The following ATF6 variants were observed in gnomAD, a reference collection of about 807,000 sequenced individuals.
ATF6 encodes the protein activating transcription factor 6.
In ATF6, 53 loss-of-function variants were observed where a neutral mutation model predicts 83.6. That is an observed-to-expected ratio of 0.63 (90% CI 0.51 to 0.80). The LOEUF (loss-of-function observed/expected upper bound fraction) is 0.80. Among genes scored for constraint, ATF6 ranks in the 30% least tolerant of loss-of-function variants. The pLI is 0.00. For missense variants in ATF6, 744 were observed against 797.9 expected, an observed-to-expected ratio of 0.93 and a Z score of 0.81; for synonymous variants, 288 against 285.8, an observed-to-expected ratio of 1.01 and a Z score of -0.08.
intron 9 of ATF6, among the ~76,000 whole-genome samples, chr1:161,828,789 T>C (rs986507012): frequency 1.4e-4 from 22 of 152,166 alleles, no homozygotes; most frequent in African/African-American, 5.1e-4. Flanking sequence ...GGTGGGCTTA[T>C]GTTGGTGGTG....
At chr1:161,857,416 C>T (rs1686788575) in intron 12 of ATF6, among the ~76,000 whole-genome samples, 1 of 152,004 alleles carries the variant, frequency 6.6e-6, no homozygotes, top group South Asian at 2.1e-4. Context: ...CATAGTTCTA[C>T]CCTCTTCCTA....
intron 9 of ATF6, among the ~76,000 whole-genome samples, chr1:161,837,955 A>G (rs895559574): frequency 6.6e-6 from 1 of 152,236 alleles, no homozygotes; most frequent in African/African-American, 2.4e-5. Flanking sequence ...GACACAGCTA[A>G]TATGTGGCAG....
At position 161,802,286 on chromosome 1, in the gene ATF6, C is replaced by T. The variant is rs763630251; in HGVS notation, c.909+14C>T. The T allele has an allele frequency of 1.9e-6, 3 of 1,606,038 alleles. No homozygotes were observed. The African/African-American group carries it at 4.0e-5, about 21-fold the overall frequency. On this transcript the variant is annotated intron_variant, in intron 7 of 15. Transcript: ENST00000367942. The stretch of plus-strand genomic sequence containing the variant: ...GTCGGTTCAGATGTAAGTTTTGAAA[C>T]TTAGTGCTTCTCTTAATGCCTGATT...
intron 15 of ATF6, among the ~76,000 whole-genome samples, chr1:161,947,293 C>T (rs1428380730): frequency 6.6e-6 from 1 of 152,076 alleles, no homozygotes; most frequent in African/African-American, 2.4e-5. Flanking sequence ...GTGGAAACAC[C>T]AATGTAAGGG....
intron 13 of ATF6, 120 bp downstream of exon 13, chr1:161,860,397 C>T (rs928273183): frequency 8.1e-6 from 3 of 370,062 alleles, no homozygotes; most frequent in African/African-American, 6.5e-5. Context: ...TTATATTAGT[C>T]ATATACTCTA....
chr1:161,772,277 T>G (rs535899584), intron 1 of ATF6, among the ~76,000 whole-genome samples: 2 of 152,336 alleles, frequency 1.3e-5, no homozygotes, highest in East Asian at 3.9e-4. Flanking sequence ...AATTCAGTTT[T>G]GCCCACTTCA....
At chr1:161,957,439 T>C (rs1202519676) in intron 15 of ATF6, among the ~76,000 whole-genome samples, 1 of 152,188 alleles carries the variant, frequency 6.6e-6, no homozygotes, top group East Asian at 1.9e-4. Context: ...ATTGCTGTGA[T>C]TGTTCAGTTG....
chr1:161,953,305 C>T (rs373601198), intron 15 of ATF6, among the ~76,000 whole-genome samples: 15 of 152,238 alleles, frequency 9.9e-5, no homozygotes, highest in African/African-American at 3.4e-4. Context: ...TGTCACAGAA[C>T]GGCCAGCATC....
At chr1:161,791,591 T>A (rs973841559) in intron 5 of ATF6, 54 bp downstream of exon 5, 19 of 1,528,116 alleles carry the variant, frequency 1.2e-5, no homozygotes, top group Non-Finnish European at 1.7e-5. Context: ...GAGCTTAGGT[T>A]CCATTTCTTA....
chr1:161,831,889 A>G (rs1191685402), intron 9 of ATF6, among the ~76,000 whole-genome samples: 2 of 151,928 alleles, frequency 1.3e-5, no homozygotes, highest in African/African-American at 4.8e-5. Flanking sequence ...GCACATATGT[A>G]TATATGTAAC....
At chr1:161,815,474 A>T (rs1685592564) in intron 7 of ATF6, among the ~76,000 whole-genome samples, 1 of 151,598 alleles carries the variant, frequency 6.6e-6, no homozygotes, top group Non-Finnish European at 1.5e-5. Context: ...TACAGGTGTG[A>T]GCCACCACTA....
intron 14 of ATF6, among the ~76,000 whole-genome samples, chr1:161,907,653 T>C (rs1687902223): frequency 6.6e-6 from 1 of 152,236 alleles, no homozygotes; most frequent in African/African-American, 2.4e-5. Context: ...AGAAGCCATC[T>C]TATCTATATA....
In ATF6 at chr1:161,961,321, G is replaced by A. The variant is rs1054604687; in HGVS notation, c.*2667G>A. On this transcript the variant is annotated 3_prime_UTR_variant, in exon 16 of 16. Transcript: ENST00000367942. ...CAGCCTGGGAGCTTTGCCTTCTTTT[G>A]TCTCTCACTAGCCCTTCTACTCTTT... The A allele has an allele frequency of 1.6e-4, 24 of 152,212 alleles. No homozygotes were observed. Among genetic ancestry groups the A allele is most frequent in the African/African-American group, 4.8e-4 (20 of 41,426 alleles). 9.4% of individuals were successfully genotyped at this position (152,212 alleles called of 1,614,324 possible).
intron 8 of ATF6, among the ~76,000 whole-genome samples, chr1:161,820,612 G>A (rs552264568): frequency 2.0e-4 from 30 of 152,234 alleles, no homozygotes; most frequent in African/African-American, 5.3e-4. Context: ...TTAGCTGGGT[G>A]TAGTGCACAC....
In ATF6 at chr1:161,832,650, G is replaced by A. The variant is rs566632827; in HGVS notation, c.1187+11489G>A. Among the ~76,000 whole-genome samples, 5 of 152,316 alleles carry A rather than the reference G, an allele frequency of 3.3e-5. No individual in the cohort carries two copies. The South Asian group carries it at 6.2e-4, about 19-fold the overall frequency. On this transcript the variant is annotated intron_variant, in intron 9 of 15. Coordinates refer to ENST00000367942, the MANE Select transcript of ATF6 (RefSeq NM_007348.4). ...GAGGGTCCTACACCCACAGAGCCTCGCTCATTGCTAGCACAGCAGTCTGAG... is the reference window on the plus strand; with the variant it reads ...GAGGGTCCTACACCCACAGAGCCTCACTCATTGCTAGCACAGCAGTCTGAG...
intron 15 of ATF6, among the ~76,000 whole-genome samples, chr1:161,945,286 G>A (rs926077461): frequency 5.3e-5 from 8 of 152,170 alleles, no homozygotes; most frequent in African/African-American, 1.9e-4. Flanking sequence ...AAAACAAAAT[G>A]AAACAAAACA....
At chr1:161,909,593 A>T (rs991914694) in intron 14 of ATF6, among the ~76,000 whole-genome samples, 7 of 152,318 alleles carry the variant, frequency 4.6e-5, no homozygotes, top group African/African-American at 1.7e-4. Flanking sequence ...ATATTCTTTA[A>T]AAGAAAATAT....
chr1:161,914,680 C>T (rs754397280), intron 15 of ATF6, among the ~76,000 whole-genome samples: 10 of 152,208 alleles, frequency 6.6e-5, no homozygotes, highest in Non-Finnish European at 1.3e-4. Flanking sequence ...CAACTACTCT[C>T]TTAACTTACA....
chr1:161,900,995 A>G (rs575714738), intron 14 of ATF6, among the ~76,000 whole-genome samples: 2 of 152,278 alleles, frequency 1.3e-5, no homozygotes, highest in East Asian at 3.8e-4. Flanking sequence ...TATGACATAT[A>G]AAATTATAGT....
Sources: allele counts gnomAD v4.1 joint callset (sites outside exome capture counted in the v4.1 genomes callset), GRCh38; gene constraint gnomAD v4.1.1; transcripts MANE v1.5; gene names NCBI Gene and HGNC (gene_info 2026-07-23, HGNC 2026-07-21).